CCDC167: variants seen among roughly 807,000 people sequenced by gnomAD.
The protein encoded by CCDC167 is coiled-coil domain containing 167, also known as coiled-coil domain-containing protein 167.
CCDC167 carries 15 observed loss-of-function variants against 12.7 expected under a neutral mutation model. The observed-to-expected ratio is 1.18, with a 90% confidence interval of 0.79 to 1.81. The LOEUF (loss-of-function observed/expected upper bound fraction) is 1.81, where lower values mean the gene tolerates loss of function less well. Ranked by LOEUF, CCDC167 falls within the 40% of genes most tolerant of loss-of-function variation. CCDC167 has a pLI of 0.00. For synonymous variants in CCDC167, 52 were observed against 49.0 expected, an observed-to-expected ratio of 1.06 and a Z score of -0.26; for missense variants, 121 against 120.1, an observed-to-expected ratio of 1.01 and a Z score of -0.03.
At chr6:37,498,822 CT>C (rs1762129661) in intron 1 of CCDC167, among the ~76,000 whole-genome samples, 1 of 71,490 alleles carries the variant, frequency 1.4e-5, no homozygotes, top group South Asian at 3.7e-4. Context: ...GAGACTCTGT[CT>C]TAAAAAAAAA....
chr6:37,487,622 T>C (rs868138818), intron 1 of CCDC167, among the ~76,000 whole-genome samples: 3 of 152,160 alleles, frequency 2.0e-5, no homozygotes, highest in South Asian at 2.1e-4. Flanking sequence ...CGGAATTCCA[T>C]CCCTGAACAC....
chr6:37,488,660 C>T (rs1761976290), intron 1 of CCDC167, among the ~76,000 whole-genome samples: 1 of 152,226 alleles, frequency 6.6e-6, no homozygotes, highest in African/African-American at 2.4e-5. Flanking sequence ...GGGCTATAAT[C>T]AGTGCCCCTG....
chr6:37,496,797 C>A (rs1762103274), intron 1 of CCDC167, among the ~76,000 whole-genome samples: 1 of 152,220 alleles, frequency 6.6e-6, no homozygotes, highest in Admixed American at 6.5e-5. Context: ...CCATAGTAAG[C>A]AAACAGTAGC....
At position 37,488,391 on chromosome 6, in the gene CCDC167, C is replaced by T. The variant is rs1441602488; in HGVS notation, c.43-3197G>A. 3.3e-5 allele frequency among the ~76,000 whole-genome samples: 5 copies of T among 152,170 alleles called. No homozygotes were observed. In the South Asian group the frequency reaches 6.2e-4, roughly 19 times the overall value. ...CAGCCAGCTCTCAACTACATGCACA[C>T]GGATTATGCACTTTGCAGACGACCC... On this transcript the variant is annotated intron_variant, in intron 1 of 3. Transcript: ENST00000373408.
At chr6:37,486,622 G>T (rs549285674) in intron 1 of CCDC167, among the ~76,000 whole-genome samples, 1 of 152,292 alleles carries the variant, frequency 6.6e-6, no homozygotes, top group South Asian at 2.1e-4. Context: ...AGGGCCCTGT[G>T]GGAGAGAGCG....
At chr6:37,498,999 C>T (rs901141017) in intron 1 of CCDC167, among the ~76,000 whole-genome samples, 2 of 152,116 alleles carry the variant, frequency 1.3e-5, no homozygotes, top group African/African-American at 4.8e-5. Context: ...TGACCCTGTA[C>T]CTCTCCTGCA....
chr6:37,489,223 G>A (rs1295464782), intron 1 of CCDC167, among the ~76,000 whole-genome samples: 1 of 147,876 alleles, frequency 6.8e-6, no homozygotes, highest in African/African-American at 2.5e-5. Context: ...GTGACAGAGC[G>A]AGACTCTATC....
intron 1 of CCDC167, among the ~76,000 whole-genome samples, chr6:37,490,490 G>A (rs1010740281): frequency 5.9e-5 from 9 of 152,178 alleles, no homozygotes; most frequent in African/African-American, 1.2e-4. Context: ...CAACAAGTCC[G>A]TTCTTTTAAC....
chr6:37,485,843 C>G (rs535789128), intron 1 of CCDC167, among the ~76,000 whole-genome samples: 2 of 152,348 alleles, frequency 1.3e-5, no homozygotes, highest in South Asian at 4.1e-4. Context: ...TAAGCAAAAA[C>G]TTTACCTACC....
At chr6:37,495,659 T>C (rs1323147311) in intron 1 of CCDC167, among the ~76,000 whole-genome samples, 2 of 152,214 alleles carry the variant, frequency 1.3e-5, no homozygotes, top group African/African-American at 4.8e-5. Context: ...CTGGTTGTCC[T>C]AAGAGGTGGC....
rs546771618 is a variant in CCDC167 at position 37,486,446 on chromosome 6, G to A, written c.43-1252C>T. On this transcript the variant is annotated intron_variant, in intron 1 of 3. Transcript: ENST00000373408. ...CATTCTGGGGCTGAGTGTCAGGAGA[G>A]TTGCATTCCAAGTCTCTGGGCCTTC... is the stretch of plus-strand genomic sequence containing the variant. Among the ~76,000 whole-genome samples, 9 of 152,312 alleles carry A rather than the reference G, an allele frequency of 5.9e-5. No homozygotes were observed. The East Asian group carries it at 1.7e-3, about 29-fold the overall frequency.
intron 1 of CCDC167, among the ~76,000 whole-genome samples, chr6:37,499,532 C>T (rs1762138098): frequency 6.6e-6 from 1 of 152,080 alleles, no homozygotes; most frequent in South Asian, 2.1e-4. Flanking sequence ...TTTGAGTTCC[C>T]TCACTTCTAT....
intron 2 of CCDC167, 32 bp from the exon 3 acceptor site, chr6:37,484,894 C>CCCTTTT (rs777354086): frequency 7.4e-6 from 12 of 1,613,858 alleles, no homozygotes; most frequent in African/African-American, 5.3e-5. Flanking sequence ...ATGGACCAAA[C>CCCTTTT]CCTTTTCCTT....
rs772097066 is a variant in CCDC167 at position 37,483,059 on chromosome 6, A to C, written c.*127T>G. The stretch of plus-strand genomic sequence containing the variant: ...GCAAGGCCTGGGCCGCCAGGAAGCC[A>C]TGCTTGAACACTAGGTTGGGAGGGG... On this transcript the variant is annotated 3_prime_UTR_variant, in exon 4 of 4. Coordinates refer to ENST00000373408, the MANE Select transcript of CCDC167 (RefSeq NM_138493.3). 1.0e-5 allele frequency: 8 copies of C among 801,046 alleles called. No individual in the cohort carries two copies. The highest frequency in any genetic ancestry group is 8.5e-5 in the South Asian group (6 of 70,178). 49.6% of individuals were successfully genotyped at this position (801,046 alleles called of 1,614,324 possible).
At chr6:37,496,495 A>T (rs1762100295) in intron 1 of CCDC167, among the ~76,000 whole-genome samples, 1 of 152,182 alleles carries the variant, frequency 6.6e-6, no homozygotes, top group Non-Finnish European at 1.5e-5. Flanking sequence ...GACATCTGTG[A>T]TCTGTATTTG....
intron 1 of CCDC167, among the ~76,000 whole-genome samples, chr6:37,487,929 CTA>C (rs1253140478): frequency 6.6e-6 from 1 of 152,258 alleles, no homozygotes; most frequent in Admixed American, 6.5e-5. Context: ...TAACCTCCCT[CTA>C]TGAATATTTA....
chr6:37,492,950 G>A (rs1181103111), intron 1 of CCDC167, among the ~76,000 whole-genome samples: 1 of 152,198 alleles, frequency 6.6e-6, no homozygotes, highest in African/African-American at 2.4e-5. Flanking sequence ...ATGTTTTTCT[G>A]TGGAGGCGGC....
chr6:37,485,269 C>T, intron 1 of CCDC167, 75 bp from the exon 2 acceptor site: 8 of 1,130,240 alleles, frequency 7.1e-6, no homozygotes, highest in Non-Finnish European at 1.1e-5. Flanking sequence ...GAAGCAGGGC[C>T]TCCGGGAGTC....
intron 1 of CCDC167, among the ~76,000 whole-genome samples, chr6:37,494,466 G>A (rs1162797911): frequency 6.6e-6 from 1 of 152,060 alleles, no homozygotes; most frequent in East Asian, 1.9e-4. Context: ...ACACAACACC[G>A]ACTCCCCACC....
Sources: gnomAD v4.1 joint callset for allele counts (sites outside exome capture counted in the v4.1 genomes callset) on GRCh38, gnomAD v4.1.1 for gene constraint, MANE v1.5 for transcripts, NCBI Gene and HGNC (gene_info 2026-07-23, HGNC 2026-07-21) for gene names.